The following C1QL4 variants were observed in gnomAD, a reference collection of about 807,000 sequenced individuals.
C1QL4 encodes the protein complement C1q-like protein 4.
Under a neutral mutation model 13.4 loss-of-function variants are expected in C1QL4, and 5 were observed. The ratio of observed to expected loss-of-function variants is 0.37; its 90% CI spans 0.19 to 0.78. C1QL4 has a LOEUF of 0.78. Ranked by LOEUF, C1QL4 falls within the 30% of genes least tolerant of loss-of-function variation. The pLI is 0.47. For missense variants in C1QL4, 367 were observed against 361.6 expected, an observed-to-expected ratio of 1.01 and a Z score of -0.12; for synonymous variants, 168 against 153.9, an observed-to-expected ratio of 1.09 and a Z score of -0.68.
At chr12:49,335,409 C>T (rs988771045) in intron 1 of C1QL4, among the ~76,000 whole-genome samples, 5 of 152,212 alleles carry the variant, frequency 3.3e-5, no homozygotes, top group Non-Finnish European at 7.3e-5. Context: ...TGTTTTCTTC[C>T]TTTTATACCT....
chr12:49,333,194 A>G lies in C1QL4; in HGVS notation c.577T>C (p.Tyr193His), dbSNP rs1469557748. 6.2e-7 allele frequency: 1 copy of G among 1,614,090 alleles called. No individual in the cohort carries two copies. Among genetic ancestry groups the G allele is most frequent in the Admixed American group, 1.7e-5 (1 of 60,028 alleles). ...SAIAQDADQNYDYASNSVILH... is the reference protein window; with the variant it reads ...SAIAQDADQNHDYASNSVILH... Reference sequence around the variant, plus strand: ...ATGACGCTGTTGCTGGCGTAGTCGTAGTTCTGGTCCGCGTCCTGAGCAATG... The same window carrying G: ...ATGACGCTGTTGCTGGCGTAGTCGTGGTTCTGGTCCGCGTCCTGAGCAATG... Residue 193 changes from tyrosine to histidine, a missense_variant, in exon 2 of 2, where the codon TAC becomes CAC. Transcript: ENST00000334221.
rs771219891 is a variant in C1QL4 at position 49,336,441 on chromosome 12, C to G, written c.37G>C (p.Val13Leu). 5.8e-6 allele frequency: 9 copies of G among 1,550,554 alleles called. No individual in the cohort carries two copies. Residue 13 changes from valine (V) to leucine (L), a missense_variant, in exon 1 of 2, where the codon GTG becomes CTG. Physicochemically the swap from Val to Leu is conservative, Grantham distance 32. Coordinates refer to ENST00000334221, the MANE Select transcript of C1QL4 (RefSeq NM_001008223.2). This position sits in a 1 kb window ranked among gnomAD's most constrained non-coding sequence, Gnocchi z 7.7. ...TGCGCTGGCCCGCGGGAGCTGTGCACCAGCAGCGGGATGGCCACCAGCAGC... is the reference window on the plus strand; with the variant it reads ...TGCGCTGGCCCGCGGGAGCTGTGCAGCAGCAGCGGGATGGCCACCAGCAGC... ...LLLLVAIPLL[V>L]HSSRGPAHYE...
chr12:49,336,184 G>C lies in C1QL4; in HGVS notation c.294C>G (p.Gly98=), dbSNP rs375645875. The stretch of plus-strand genomic sequence containing the variant: ...CGTAGCCGGCAGCGGGCGCCACCCC[G>C]CCCGGACCTGGACCGGGAGGGCCCG... The part of the protein sequence containing the change: ...GPPGPPGPGP[G]GVAPAAGYVP... Residue 98 remains glycine (G), a synonymous_variant, in exon 1 of 2, where the codon GGC becomes GGG. Transcript: ENST00000334221. The surrounding 1 kb of genome is among the most constrained non-coding windows in gnomAD (Gnocchi z 7.7). 499 of 1,590,790 alleles carry C rather than the reference G, an allele frequency of 3.1e-4. 2 individuals carry two copies. In the African/African-American group the frequency reaches 5.1e-3, roughly 16 times the overall value.
Position 49,332,948 on chromosome 12 carries a change from C to G in C1QL4, c.*106G>C. ...GCCTCCGGGAACGGAAGGGTCCACC[C>G]CACCGCCAGGCTCTCAAAGGGTGGG... On this transcript the variant is annotated 3_prime_UTR_variant, in exon 2 of 2. Transcript: ENST00000334221. 1 of 1,232,364 alleles carries G rather than the reference C, an allele frequency of 8.1e-7. No individual in the cohort carries two copies. The highest frequency in any genetic ancestry group is 1.1e-6 in the Non-Finnish European group (1 of 896,424). 76.3% of individuals were successfully genotyped at this position (1,232,364 alleles called of 1,614,324 possible). A position where few individuals can be genotyped will look rare whatever the true frequency, so the allele number is the denominator to read the frequency against.
At position 49,335,929 on chromosome 12, in the gene C1QL4, GGGGCA is replaced by G. The variant is rs1373742880; in HGVS notation, c.537+7_537+11del. On this transcript the variant is annotated splice_region_variant and intron_variant, in intron 1 of 1. Coordinates refer to ENST00000334221, the MANE Select transcript of C1QL4 (RefSeq NM_001008223.2). Reference sequence around the variant, plus strand: ...ACCAGTCTGAGCTGGGTTGGGGAGAGGGGCATCTCACCTGTCCGTTCTTCATGAGG... The same window carrying G: ...ACCAGTCTGAGCTGGGTTGGGGAGAGTCTCACCTGTCCGTTCTTCATGAGG... 2.5e-6 allele frequency: 4 copies of G among 1,592,626 alleles called. No homozygotes were observed. The South Asian group carries it at 4.6e-5, about 18-fold the overall frequency.
intron 1 of C1QL4, among the ~76,000 whole-genome samples, chr12:49,335,350 T>C (rs1239441093): frequency 1.3e-5 from 2 of 152,274 alleles, no homozygotes; most frequent in Non-Finnish European, 2.9e-5. Context: ...CCCCCAGCCC[T>C]GGGGTGAGCA....
chr12:49,333,778 TCCAC>T (rs2137079502), intron 1 of C1QL4, among the ~76,000 whole-genome samples: 1 of 151,824 alleles, frequency 6.6e-6, no homozygotes, highest in South Asian at 2.1e-4. Context: ...TCTCAGGTGA[TCCAC>T]CCACCTCAGC....
chr12:49,334,277 T>G (rs1259628735), intron 1 of C1QL4, among the ~76,000 whole-genome samples: 3 of 152,244 alleles, frequency 2.0e-5, no homozygotes, highest in Non-Finnish European at 4.4e-5. Context: ...TCAGTCCTCA[T>G]GGAGGGTTGG....
chr12:49,336,145 A>G lies in C1QL4; in HGVS notation c.333T>C (p.Ala111=). The G allele has an allele frequency of 6.2e-7, 1 of 1,608,900 alleles. No homozygotes were observed. Among genetic ancestry groups the G allele is most frequent in the Admixed American group, 1.7e-5 (1 of 59,882 alleles). ...APAAGYVPRI[A]FYAGLRRPHE... is the part of the protein sequence containing the mutation. ...GGGGCCGCCGCAGGCCCGCGTAGAA[A>G]GCAATGCGAGGCACGTAGCCGGCAG... The change falls in exon 1 of 2, where the codon GCT becomes GCC. Residue 111 remains alanine (A), a synonymous_variant. Transcript: ENST00000334221. The surrounding 1 kb of genome is among the most constrained non-coding windows in gnomAD (Gnocchi z 7.7).
rs1253446368 is a variant in C1QL4 at position 49,336,056 on chromosome 12, G to T, written c.422C>A (p.Ala141Glu). Residue 141 changes from alanine (A) to glutamate (E), a missense_variant, in exon 1 of 2, where the codon GCA (alanine) becomes GAA (glutamate). Ala to Glu is a moderately radical substitution (Grantham distance 107, BLOSUM62 -1). Transcript: ENST00000334221. This position sits in a 1 kb window ranked among gnomAD's most constrained non-coding sequence, Gnocchi z 7.7. ...VVTNVGNAYE[A>E]ASGKFTCPMP... ...GGGGCAAGTAAACTTGCCGCTGGCT[G>T]CCTCGTAGGCGTTGCCCACGTTGGT... 1.9e-6 allele frequency: 3 copies of T among 1,612,208 alleles called. No homozygotes were observed. Among genetic ancestry groups the T allele is most frequent in the Non-Finnish European group, 2.5e-6 (3 of 1,179,958 alleles).
Position 49,336,491 on chromosome 12 carries a change from G to T in C1QL4, c.-14C>A. On this transcript the variant is annotated 5_prime_UTR_variant, in exon 1 of 2. Transcript: ENST00000334221. The surrounding 1 kb of genome is among the most constrained non-coding windows in gnomAD (Gnocchi z 7.7). The stretch of plus-strand genomic sequence containing the variant: ...CAGCAGCACCATGGCCACTCCGACG[G>T]CCGCGCCCGCCACCCTCTTGCGGCG... The T allele has an allele frequency of 6.7e-7, 1 of 1,482,390 alleles. No individual in the cohort carries two copies. Among genetic ancestry groups the T allele is most frequent in the South Asian group, 1.3e-5 (1 of 74,742 alleles). The allele number at this position is 1,482,390 out of a possible 1,614,324, so 91.8% of individuals were successfully genotyped here.
In C1QL4 at chr12:49,336,313, G is replaced by A; in HGVS notation, c.165C>T (p.Gly55=). 1 of 1,417,726 alleles carries A rather than the reference G, an allele frequency of 7.1e-7. No individual in the cohort carries two copies. The highest frequency in any genetic ancestry group is 9.1e-7 in the Non-Finnish European group (1 of 1,094,870). 87.8% of individuals were successfully genotyped at this position (1,417,726 alleles called of 1,614,324 possible). The change falls in exon 1 of 2, where the codon GGC becomes GGT. Residue 55 remains glycine, a synonymous_variant. Transcript: ENST00000334221. The surrounding 1 kb of genome is among the most constrained non-coding windows in gnomAD (Gnocchi z 7.7). ...APASVPPFPP[G]AKGEVGRRGK... is the part of the protein sequence containing the mutation. Reference sequence around the variant, plus strand: ...CGCGCCGGCCCACCTCTCCCTTGGCGCCTGGCGGGAAGGGGGGCACGGAAG... The same window carrying A: ...CGCGCCGGCCCACCTCTCCCTTGGCACCTGGCGGGAAGGGGGGCACGGAAG...
chr12:49,335,547 T>C (rs1181807399), intron 1 of C1QL4, among the ~76,000 whole-genome samples: 2 of 152,172 alleles, frequency 1.3e-5, no homozygotes, highest in Non-Finnish European at 2.9e-5. Flanking sequence ...AATGCAAGGC[T>C]GAGAGACCCA....
chr12:49,336,150 T>A lies in C1QL4; in HGVS notation c.328A>T (p.Ile110Phe). The A allele has an allele frequency of 6.2e-7, 1 of 1,607,114 alleles. No individual in the cohort carries two copies. The highest frequency in any genetic ancestry group is 8.5e-7 in the Non-Finnish European group (1 of 1,176,956). ...CGCCGCAGGCCCGCGTAGAAAGCAA[T>A]GCGAGGCACGTAGCCGGCAGCGGGC... ...VAPAAGYVPR[I>F]AFYAGLRRPH... The change falls in exon 1 of 2, where the codon ATT becomes TTT. Residue 110 changes from isoleucine (I) to phenylalanine (F), a missense_variant. By Grantham distance (21) the Ile-to-Phe change is conservative. Coordinates refer to ENST00000334221, the MANE Select transcript of C1QL4 (RefSeq NM_001008223.2). The surrounding 1 kb of genome is among the most constrained non-coding windows in gnomAD (Gnocchi z 7.7).
chr12:49,334,987 C>T (rs999909376), intron 1 of C1QL4, among the ~76,000 whole-genome samples: 1 of 152,212 alleles, frequency 6.6e-6, no homozygotes, highest in Non-Finnish European at 1.5e-5. Flanking sequence ...CACTCAGCCC[C>T]AACCTCCCTC....
In C1QL4 at chr12:49,336,359, G is replaced by C; in HGVS notation, c.119C>G (p.Pro40Arg). ...MVCDPHGPRG[P>R]GPDGAPASVP... ...GGAAGCAGGCGCGCCGTCGGGACCA[G>C]GGCCACGGGGCCCATGCGGGTCGCA... The change falls in exon 1 of 2, where the codon CCT (proline) becomes CGT (arginine). Residue 40 changes from proline to arginine, a missense_variant. By Grantham distance (103) the Pro-to-Arg change is moderately radical. Transcript: ENST00000334221. This position sits in a 1 kb window ranked among gnomAD's most constrained non-coding sequence, Gnocchi z 7.7. The C allele has an allele frequency of 1.4e-6, 2 of 1,448,200 alleles. No individual in the cohort carries two copies. The highest frequency in any genetic ancestry group is 1.8e-6 in the Non-Finnish European group (2 of 1,113,076). 89.7% of individuals were successfully genotyped at this position (1,448,200 alleles called of 1,614,324 possible). A position where few individuals can be genotyped will look rare whatever the true frequency, so the allele number is the denominator to read the frequency against.
chr12:49,336,656 C>T lies in C1QL4; in HGVS notation c.-179G>A, dbSNP rs945538086. Reference sequence around the variant, plus strand: ...CTGCACTCCCCCGACGGCTGCCCCCCGCTCCCCTTACCCTGCCTCTGCGGG... The same window carrying T: ...CTGCACTCCCCCGACGGCTGCCCCCTGCTCCCCTTACCCTGCCTCTGCGGG... On this transcript the variant is annotated 5_prime_UTR_variant, in exon 1 of 2. Coordinates refer to ENST00000334221, the MANE Select transcript of C1QL4 (RefSeq NM_001008223.2). This position sits in a 1 kb window ranked among gnomAD's most constrained non-coding sequence, Gnocchi z 7.7. The T allele has an allele frequency of 3.0e-6, 2 of 675,140 alleles. No individual in the cohort carries two copies. Among genetic ancestry groups the T allele is most frequent in the Admixed American group, 4.2e-5 (1 of 23,610 alleles). 41.8% of individuals were successfully genotyped at this position (675,140 alleles called of 1,614,324 possible).
intron 1 of C1QL4, among the ~76,000 whole-genome samples, chr12:49,334,320 G>C (rs1041106999): frequency 6.6e-6 from 1 of 152,240 alleles, no homozygotes; most frequent in African/African-American, 2.4e-5. Context: ...GTGTGCCTGT[G>C]CGTGTGCATA....
In C1QL4 at chr12:49,336,371, C is replaced by A. The variant is rs765724108; in HGVS notation, c.107G>T (p.Gly36Val). ...GRCRMVCDPH[G>V]PRGPGPDGAP... The stretch of plus-strand genomic sequence containing the variant: ...GCCGTCGGGACCAGGGCCACGGGGC[C>A]CATGCGGGTCGCACACCATGCGGCA... The change falls in exon 1 of 2, where the codon GGG (glycine) becomes GTG (valine). Residue 36 changes from glycine to valine, a missense_variant. By Grantham distance (109) the Gly-to-Val change is moderately radical. Transcript: ENST00000334221. This position sits in a 1 kb window ranked among gnomAD's most constrained non-coding sequence, Gnocchi z 7.7. The A allele has an allele frequency of 6.8e-7, 1 of 1,461,568 alleles. No individual in the cohort carries two copies. The highest frequency in any genetic ancestry group is 1.4e-5 in the South Asian group (1 of 71,134). 90.5% of individuals were successfully genotyped at this position (1,461,568 alleles called of 1,614,324 possible).
Sources: gnomAD v4.1 joint callset for allele counts (sites outside exome capture counted in the v4.1 genomes callset) on GRCh38, gnomAD v4.1.1 for gene constraint, Gnocchi (gnomAD v3.1) non-coding constraint, MANE v1.5 for transcripts, NCBI Gene and HGNC (gene_info 2026-07-23, HGNC 2026-07-21) for gene names.